The following RAD23B variants were observed in gnomAD, a reference collection of about 807,000 sequenced individuals.
RAD23B encodes lysine-specific demethylase RAD23B.
In RAD23B, 5 loss-of-function variants were observed where a neutral mutation model predicts 49.1. That is an observed-to-expected ratio of 0.10 (90% CI 0.05 to 0.21). The LOEUF is 0.21. RAD23B is among the 10% of genes least tolerant of loss of function. RAD23B has a pLI of 1.00. For synonymous variants in RAD23B, 184 were observed against 165.4 expected, an observed-to-expected ratio of 1.11 and a Z score of -0.86; for missense variants, 356 against 486.7, an observed-to-expected ratio of 0.73 and a Z score of 2.53.
intron 5 of RAD23B, among the ~76,000 whole-genome samples, chr9:107,312,703 A>G (rs1168804496): frequency 2.6e-5 from 4 of 152,192 alleles, no homozygotes; most frequent in African/African-American, 7.2e-5. Flanking sequence ...AAACCACTCT[A>G]TTTCAAAGAG....
chr9:107,287,834 C>CAA (rs11396857), intron 1 of RAD23B, among the ~76,000 whole-genome samples: 11,284 of 118,854 alleles, frequency 0.095, 679 homozygotes, highest in African/African-American at 0.16. Context: ...AACTCCATCT[C>CAA]AAAAAAAAAA....
intron 9 of RAD23B, among the ~76,000 whole-genome samples, chr9:107,327,697 G>A (rs917206454): frequency 6.6e-6 from 1 of 152,034 alleles, no homozygotes; most frequent in Non-Finnish European, 1.5e-5. Flanking sequence ...AATGTTCTAT[G>A]TATACTGAAG....
chr9:107,309,005 A>T (rs116224122), intron 4 of RAD23B, among the ~76,000 whole-genome samples: 1,734 of 152,336 alleles, frequency 0.011, 24 homozygotes, highest in African/African-American at 0.039. Context: ...TGCAAATTCC[A>T]CTTGATATCT....
At chr9:107,319,016 T>C (rs898492283) in intron 6 of RAD23B, 137 bp downstream of exon 6, 2 of 834,016 alleles carry the variant, frequency 2.4e-6, no homozygotes, top group Admixed American at 3.9e-5. Flanking sequence ...TTCTAGTATG[T>C]TTGTATTTTG....
chr9:107,291,500 A>T (rs971403901), intron 1 of RAD23B, among the ~76,000 whole-genome samples: 5 of 152,210 alleles, frequency 3.3e-5, no homozygotes, highest in African/African-American at 7.2e-5. Flanking sequence ...TTCTCACATA[A>T]TTAATGTTAT....
intron 1 of RAD23B, among the ~76,000 whole-genome samples, chr9:107,297,788 TAG>T (rs1055789363): frequency 3.3e-5 from 5 of 152,028 alleles, no homozygotes; most frequent in African/African-American, 9.7e-5. Context: ...GATATAAAGC[TAG>T]AGAGTCCCGT....
intron 4 of RAD23B, among the ~76,000 whole-genome samples, chr9:107,307,459 A>C (rs1826802231): frequency 6.6e-6 from 1 of 152,214 alleles, no homozygotes; most frequent in African/African-American, 2.4e-5. Flanking sequence ...ATCTAAGAGC[A>C]TGAGTTATAT....
chr9:107,292,765 G>C (rs72736200), intron 1 of RAD23B, among the ~76,000 whole-genome samples: 8,942 of 150,852 alleles, frequency 0.059, 384 homozygotes, highest in South Asian at 0.12. Flanking sequence ...CATATGAGTA[G>C]CCAGGATTCA....
At chr9:107,326,480 CAAAAAA>C (rs1223341449) in intron 9 of RAD23B, among the ~76,000 whole-genome samples, 2 of 56,510 alleles carry the variant, frequency 3.5e-5, no homozygotes, top group East Asian at 1.3e-3. Context: ...GACTCTGTCT[CAAAAAA>C]AAAAAAAAAA....
intron 1 of RAD23B, among the ~76,000 whole-genome samples, chr9:107,298,216 A>G (rs889426684): frequency 2.0e-5 from 3 of 152,242 alleles, no homozygotes; most frequent in African/African-American, 7.2e-5. Flanking sequence ...AGCATGTAGG[A>G]TAGCAGTCTT....
rs369714934 is a variant in RAD23B, at chr9:107,292,635, G to A, written c.67-7506G>A. Among the ~76,000 whole-genome samples the A allele has an allele frequency of 1.2e-4, 16 of 138,222 alleles. No homozygotes were observed. The South Asian group carries it at 1.2e-3, about 10-fold the overall frequency. 90.7% of individuals were successfully genotyped at this position (138,222 alleles called of 152,430 possible). A position where few individuals can be genotyped will look rare whatever the true frequency, so the allele number is the denominator to read the frequency against. On this transcript the variant is annotated intron_variant, in intron 1 of 9. Transcript: ENST00000358015. The stretch of plus-strand genomic sequence containing the variant: ...GTGGAGGTTGCAGTGAGCCAAGATC[G>A]TGCCACTACACTCCAGCCTGGTGAC...
intron 3 of RAD23B, among the ~76,000 whole-genome samples, chr9:107,304,679 A>G (rs1045491849): frequency 1.3e-5 from 2 of 152,186 alleles, no homozygotes; most frequent in African/African-American, 4.8e-5. Flanking sequence ...GTCTTCCACT[A>G]AAACAGCTAC....
intron 5 of RAD23B, among the ~76,000 whole-genome samples, chr9:107,315,848 C>T (rs1306826411): frequency 6.6e-6 from 1 of 151,930 alleles, no homozygotes; most frequent in Non-Finnish European, 1.5e-5. Flanking sequence ...TGCCTTTGGA[C>T]TTTTAAGATC....
At chr9:107,289,829 C>A (rs754664973) in intron 1 of RAD23B, among the ~76,000 whole-genome samples, 1 of 152,194 alleles carries the variant, frequency 6.6e-6, no homozygotes, top group Non-Finnish European at 1.5e-5. Flanking sequence ...GTACCACTCT[C>A]CCTCCATTGT....
chr9:107,322,608 C>T (rs1827132062), intron 7 of RAD23B, among the ~76,000 whole-genome samples: 1 of 152,078 alleles, frequency 6.6e-6, no homozygotes, highest in Admixed American at 6.6e-5. Flanking sequence ...CTGACCATAC[C>T]CCACACATTG....
In RAD23B at chr9:107,331,616, G is replaced by C. The variant is rs1827308178; in HGVS notation, c.*1960G>C. 6.7e-6 allele frequency: 5 copies of C among 750,716 alleles called. No individual in the cohort carries two copies. Among genetic ancestry groups the C allele is most frequent in the South Asian group, 5.8e-5 (4 of 68,574 alleles). 46.5% of individuals were successfully genotyped at this position (750,716 alleles called of 1,614,324 possible). Reference sequence around the variant, plus strand: ...AGTTGGGAAAAGAGGTGGCATTTCTGATCGGATAATGGAATACTCTCATTT... The same window carrying C: ...AGTTGGGAAAAGAGGTGGCATTTCTCATCGGATAATGGAATACTCTCATTT... On this transcript the variant is annotated 3_prime_UTR_variant, in exon 10 of 10. Coordinates refer to ENST00000358015, the MANE Select transcript of RAD23B (RefSeq NM_002874.5).
chr9:107,319,007 T>TC, intron 6 of RAD23B, 128 bp downstream of exon 6: 15 of 857,806 alleles, frequency 1.7e-5, no homozygotes, highest in Non-Finnish European at 2.3e-5. Context: ...CTTTTTTTTT[T>TC]CTAGTATGTT....
chr9:107,296,924 G>A (rs1004438199), intron 1 of RAD23B, among the ~76,000 whole-genome samples: 5 of 145,660 alleles, frequency 3.4e-5, no homozygotes, highest in African/African-American at 1.0e-4. Flanking sequence ...GCACAATTTC[G>A]GCTCACTGCA....
intron 1 of RAD23B, among the ~76,000 whole-genome samples, chr9:107,294,162 A>G (rs11573635): frequency 0.034 from 5,161 of 152,206 alleles, 304 homozygotes; most frequent in African/African-American, 0.12. Flanking sequence ...ACACTTTATG[A>G]TTGTCTTCCT....
Sources: gnomAD v4.1 joint callset for allele counts (sites outside exome capture counted in the v4.1 genomes callset) on GRCh38, gnomAD v4.1.1 for gene constraint, MANE v1.5 for transcripts, NCBI Gene and HGNC (gene_info 2026-07-23, HGNC 2026-07-21) for gene names.